LINC00632: variants seen among roughly 807,000 people sequenced by gnomAD.
LINC00632 encodes ALDOA related specific transcript.
chrX:140,777,352 T>C (rs1395028641), exon 5 of LINC00632, among the ~76,000 whole-genome samples: 1 of 112,395 alleles, frequency 8.9e-6, no homozygotes, highest in Non-Finnish European at 1.9e-5. Flanking sequence ...ACTACAGATA[T>C]TCTTCAACAC....
chrX:140,775,994 C>T (rs940077345), exon 5 of LINC00632, among the ~76,000 whole-genome samples: 3 of 111,448 alleles, frequency 2.7e-5, no homozygotes, highest in African/African-American at 9.8e-5. Flanking sequence ...GAACAGGCAA[C>T]CAAAAGAATG....
intron 2 of LINC00632, among the ~76,000 whole-genome samples, chrX:140,724,279 G>A (rs1332844831): frequency 7.2e-5 from 2 of 27,643 alleles, no homozygotes; most frequent in African/African-American, 2.6e-4. Flanking sequence ...TGTACACACA[G>A]ACACACATTC....
chrX:140,728,240 CAAAA>C (rs1200284527), intron 2 of LINC00632, among the ~76,000 whole-genome samples: 33 of 60,673 alleles, frequency 5.4e-4, no homozygotes, highest in Non-Finnish European at 1.0e-3. Flanking sequence ...AACTCTGTCT[CAAAA>C]AAAAAAAAAA....
rs3084215 is a variant in LINC00632, at chrX:140,742,839, T to TAGAGAGAGAGAG, written n.191+8904_191+8915dup. Among the ~76,000 whole-genome samples, 79 of 46,908 alleles carry TAGAGAGAGAGAG rather than the reference T, an allele frequency of 1.7e-3. 5 individuals are homozygous for TAGAGAGAGAGAG. Among genetic ancestry groups the TAGAGAGAGAGAG allele is most frequent in the African/African-American group, 4.9e-3 (49 of 9,928 alleles). 40.7% of individuals were successfully genotyped at this position (46,908 alleles called of 115,157 possible). On this transcript the variant is annotated intron_variant and non_coding_transcript_variant, in intron 3 of 4. Coordinates refer to ENST00000648200, the Ensembl canonical transcript of LINC00632. The stretch of plus-strand genomic sequence containing the variant: ...GGTAAGGCCTTATGGTAGAAGGTGA[T>TAGAGAGAGAGAG]AGAGAGAGAGAGAGAGAGAGAGAGA...
intron 2 of LINC00632, among the ~76,000 whole-genome samples, chrX:140,723,040 CAAAAA>C (rs200591996): frequency 1.1e-5 from 1 of 87,120 alleles, no homozygotes; most frequent in Non-Finnish European, 2.2e-5. Context: ...AACTCCATCT[CAAAAA>C]AAAAAAAAGA....
chrX:140,774,211 G>C (rs1602754555), exon 4 of LINC00632, among the ~76,000 whole-genome samples: 1 of 111,982 alleles, frequency 8.9e-6, no homozygotes, highest in Non-Finnish European at 1.9e-5. Flanking sequence ...TTAACATCCA[G>C]AACTCTAAGA....
At chrX:140,773,360 T>A (rs1468097975) in exon 4 of LINC00632, among the ~76,000 whole-genome samples, 1 of 112,243 alleles carries the variant, frequency 8.9e-6, no homozygotes, top group Non-Finnish European at 1.9e-5. Context: ...GAGCAGGTTG[T>A]CAGTGCTGCT....
chrX:140,720,849 G>T (rs1294598520), intron 2 of LINC00632, among the ~76,000 whole-genome samples: 1 of 111,669 alleles, frequency 9.0e-6, no homozygotes, highest in African/African-American at 3.3e-5. Flanking sequence ...GCACGCAGAA[G>T]TGCTGAGCAA....
chrX:140,718,421 T>G (rs1260361091), intron 2 of LINC00632, among the ~76,000 whole-genome samples: 2 of 107,271 alleles, frequency 1.9e-5, no homozygotes, highest in Non-Finnish European at 1.9e-5. Flanking sequence ...TCTTTTTTTT[T>G]TTTTTTTTGA....
intron 3 of LINC00632, among the ~76,000 whole-genome samples, chrX:140,758,195 C>T (rs1265405377): frequency 9.1e-6 from 1 of 110,354 alleles, no homozygotes; most frequent in East Asian, 2.8e-4. Context: ...AAGATAATGA[C>T]CAGGTGCTGT....
chrX:140,744,270 A>T (rs1159380793), intron 3 of LINC00632, among the ~76,000 whole-genome samples: 4 of 110,384 alleles, frequency 3.6e-5, no homozygotes, highest in Non-Finnish European at 7.6e-5. Flanking sequence ...TAGATCAGTT[A>T]GGGAGATAGG....
chrX:140,766,057 C>T (rs545109607), intron 3 of LINC00632, among the ~76,000 whole-genome samples: 1 of 111,658 alleles, frequency 9.0e-6, no homozygotes, highest in Middle Eastern at 4.6e-3. Flanking sequence ...GTTTGCTTCC[C>T]TTGAGGAGGT....
chrX:140,781,928 G>T, exon 5 of LINC00632, among the ~76,000 whole-genome samples: 1 of 111,714 alleles, frequency 9.0e-6, no homozygotes, highest in Non-Finnish European at 1.9e-5. Flanking sequence ...AATGTTTGTT[G>T]ATCCCTGATC....
chrX:140,733,932 C>T (rs774319641), exon 3 of LINC00632: 1 of 111,936 alleles, frequency 8.9e-6, no homozygotes, highest in South Asian at 3.7e-4. Context: ...GCTTCGTGCC[C>T]TGTGCACGTT....
chrX:140,759,528 A>AT (rs1157424488), intron 3 of LINC00632, among the ~76,000 whole-genome samples: 1,643 of 100,079 alleles, frequency 0.016, 32 homozygotes, highest in African/African-American at 0.055. Context: ...AGCTAATTAA[A>AT]TTTTTTTTTT....
At chrX:140,713,289 G>C (rs1288759109) in intron 2 of LINC00632, among the ~76,000 whole-genome samples, 1 of 109,981 alleles carries the variant, frequency 9.1e-6, no homozygotes, top group Non-Finnish European at 1.9e-5. Context: ...TCTAAGGTTT[G>C]AGGCCACCGA....
At chrX:140,784,700 C>T (rs1053016960) in exon 5 of LINC00632, 6 of 250,150 alleles carry the variant, frequency 2.4e-5, no homozygotes, top group African/African-American at 1.1e-4. Flanking sequence ...TCCAGCCTTT[C>T]CCCAGGTCCA....
intron 3 of LINC00632, among the ~76,000 whole-genome samples, chrX:140,742,975 G>A (rs907246668): frequency 3.7e-5 from 4 of 107,766 alleles, no homozygotes; most frequent in African/African-American, 6.8e-5. Flanking sequence ...CTGTAATCCC[G>A]GCACTTTGGG....
At chrX:140,747,111 A>G (rs1057341066) in intron 3 of LINC00632, among the ~76,000 whole-genome samples, 2 of 112,558 alleles carry the variant, frequency 1.8e-5, no homozygotes, top group Non-Finnish European at 3.7e-5. Context: ...TAGGAAAAAT[A>G]ATAAATGCAA....
Sources: allele counts gnomAD v4.1 joint callset (sites outside exome capture counted in the v4.1 genomes callset), GRCh38; gene constraint gnomAD v4.1.1; transcripts MANE v1.5; gene names NCBI Gene and HGNC (gene_info 2026-07-23, HGNC 2026-07-21).